Variants in ARHGEF26 observed in about 807,000 individuals in gnomAD.
The protein encoded by ARHGEF26 is Rho guanine nucleotide exchange factor (GEF) 26.
Under a neutral mutation model 89.4 loss-of-function variants are expected in ARHGEF26, and 59 were observed. That is an observed-to-expected ratio of 0.66 (90% CI 0.54 to 0.82). ARHGEF26 has a LOEUF of 0.82. ARHGEF26 is among the 40% of genes least tolerant of loss of function. ARHGEF26 has a pLI of 0.00. For missense variants in ARHGEF26, 1,234 were observed against 1,085.6 expected (o/e 1.14, Z -1.92); for synonymous variants, 500 against 428.4 (o/e 1.17, Z -2.06).
At chr3:154,175,757 A>ACGTTT (rs1553742626) in intron 6 of ARHGEF26, among the ~76,000 whole-genome samples, 1 of 152,040 alleles carries the variant, frequency 6.6e-6, no homozygotes, top group African/African-American at 2.4e-5. Flanking sequence ...TTGGCACTGT[A>ACGTTT]TGTTTTGTTT....
intron 9 of ARHGEF26, among the ~76,000 whole-genome samples, chr3:154,215,869 A>C (rs558896365): frequency 6.6e-6 from 1 of 152,196 alleles, no homozygotes; most frequent in Admixed American, 6.5e-5. Context: ...TAGGATTTCA[A>C]CATGAATATG....
At chr3:154,174,196 C>G (rs150839429) in intron 6 of ARHGEF26, among the ~76,000 whole-genome samples, 1 of 152,290 alleles carries the variant, frequency 6.6e-6, no homozygotes, top group African/African-American at 2.4e-5. Context: ...GCTGTGAGTA[C>G]AGCGCCAGTC....
intron 11 of ARHGEF26, among the ~76,000 whole-genome samples, chr3:154,238,505 A>G (rs1302336609): frequency 6.6e-6 from 1 of 152,218 alleles, no homozygotes; most frequent in East Asian, 1.9e-4. Flanking sequence ...TGACAGGTAG[A>G]TGTCCATTCT....
chr3:154,151,866 C>A (rs1468698162), intron 5 of ARHGEF26, among the ~76,000 whole-genome samples: 3 of 152,160 alleles, frequency 2.0e-5, no homozygotes, highest in Non-Finnish European at 1.5e-5. Flanking sequence ...CCCTGGAGAT[C>A]AGGGTGATGA....
At chr3:154,246,097 G>A (rs1717785547) in intron 12 of ARHGEF26, among the ~76,000 whole-genome samples, 1 of 152,174 alleles carries the variant, frequency 6.6e-6, no homozygotes, top group Non-Finnish European at 1.5e-5. Flanking sequence ...CTGGTGATGT[G>A]ATCCGGAGTG....
intron 2 of ARHGEF26, among the ~76,000 whole-genome samples, 174 bp from the exon 3 acceptor site, chr3:154,124,236 C>A (rs1272207528): frequency 6.6e-6 from 1 of 152,068 alleles, no homozygotes; most frequent in Non-Finnish European, 1.5e-5. Context: ...TTGTAGTGAT[C>A]AAATGAGTGA....
intron 4 of ARHGEF26, among the ~76,000 whole-genome samples, chr3:154,133,360 T>C (rs1283616762): frequency 6.6e-6 from 1 of 152,096 alleles, no homozygotes; most frequent in Non-Finnish European, 1.5e-5. Context: ...AAGAGGCATT[T>C]ATTTAGTTGG....
intron 4 of ARHGEF26, among the ~76,000 whole-genome samples, chr3:154,142,380 T>C (rs1182427538): frequency 6.6e-6 from 1 of 152,112 alleles, no homozygotes. Context: ...TAAAGCTTGA[T>C]AGGTAGGCAA....
Position 154,240,361 on chromosome 3 carries a change from C to A in ARHGEF26, c.2091-9C>A. ...ATAATTGACGTGTTCTTTTCCCTTT[C>A]CTTTACAGTGAAGAAAGTTACAACG... is the stretch of plus-strand genomic sequence containing the variant. On this transcript the variant is annotated splice_polypyrimidine_tract_variant and intron_variant, in intron 11 of 14. Coordinates refer to ENST00000465093, the MANE Select transcript of ARHGEF26 (RefSeq NM_015595.4). 6.3e-7 allele frequency: 1 copy of A among 1,589,752 alleles called. No homozygotes were observed. Among genetic ancestry groups the A allele is most frequent in the East Asian group, 2.2e-5 (1 of 44,520 alleles).
intron 3 of ARHGEF26, among the ~76,000 whole-genome samples, chr3:154,127,313 A>G (rs1345620669): frequency 1.3e-5 from 2 of 152,232 alleles, no homozygotes; most frequent in Non-Finnish European, 2.9e-5. Context: ...ACATTGTACA[A>G]CTGTACAGAA....
At chr3:154,133,762 A>G (rs1312516680) in intron 4 of ARHGEF26, among the ~76,000 whole-genome samples, 1 of 152,158 alleles carries the variant, frequency 6.6e-6, no homozygotes, top group Non-Finnish European at 1.5e-5. Context: ...TAGTAGGAAT[A>G]GGATTGAATC....
intron 11 of ARHGEF26, among the ~76,000 whole-genome samples, chr3:154,237,905 A>G (rs1192950020): frequency 6.6e-6 from 1 of 152,184 alleles, no homozygotes; most frequent in Non-Finnish European, 1.5e-5. Flanking sequence ...ATTGGACCAA[A>G]AGAGTAATCA....
In ARHGEF26 at chr3:154,122,585, C is replaced by T. The variant is rs1008769557; in HGVS notation, c.593C>T (p.Pro198Leu). The T allele has an allele frequency of 1.9e-6, 3 of 1,613,488 alleles. No individual in the cohort carries two copies. The highest frequency in any genetic ancestry group is 2.7e-5 in the African/African-American group (2 of 74,910). The change falls in exon 2 of 15, where the codon CCC (proline) becomes CTC (leucine). Residue 198 changes from proline (P) to leucine (L), a missense_variant. Pro to Leu is a moderately conservative substitution (Grantham distance 98). Transcript: ENST00000465093. Reference protein sequence around the residue: ...GSQSGRKAKDPERGLFPGPQK... With the variant: ...GSQSGRKAKDLERGLFPGPQK... ...CAGTCCGGCCGGAAGGCAAAGGACC[C>T]CGAACGGGGGCTCTTTCCTGGGCCC...
In ARHGEF26 at chr3:154,135,510, A is replaced by G. The variant is rs558234226; in HGVS notation, c.1269+5791A>G. Reference sequence around the variant, plus strand: ...AAGGGATTTGAGGTTTTGAAACCTCAATGACTTTGAAAAGTAAGTTTTGAC... The same window carrying G: ...AAGGGATTTGAGGTTTTGAAACCTCGATGACTTTGAAAAGTAAGTTTTGAC... On this transcript the variant is annotated intron_variant, in intron 4 of 14. Transcript: ENST00000465093. 2.8e-4 allele frequency among the ~76,000 whole-genome samples: 42 copies of G among 152,294 alleles called. 2 individuals carry two copies. The South Asian group carries it at 8.5e-3, about 31-fold the overall frequency.
At chr3:154,153,630 CAT>C (rs1166260350) in intron 6 of ARHGEF26, among the ~76,000 whole-genome samples, 1 of 151,978 alleles carries the variant, frequency 6.6e-6, no homozygotes, top group Non-Finnish European at 1.5e-5. Context: ...AGTAGAGTCA[CAT>C]GTTGCAAAAT....
intron 9 of ARHGEF26, among the ~76,000 whole-genome samples, chr3:154,206,265 C>T (rs1399739618): frequency 1.3e-5 from 2 of 152,166 alleles, no homozygotes; most frequent in East Asian, 1.9e-4. Flanking sequence ...AGATATATTG[C>T]AGCTCCACTG....
chr3:154,132,889 A>G (rs770180917), intron 4 of ARHGEF26, among the ~76,000 whole-genome samples: 69 of 152,156 alleles, frequency 4.5e-4, no homozygotes, highest in Non-Finnish European at 8.2e-4. Context: ...AATTTTGAGT[A>G]TAACATTTTA....
intron 4 of ARHGEF26, among the ~76,000 whole-genome samples, chr3:154,146,374 A>T (rs1048196465): frequency 1.3e-5 from 2 of 152,134 alleles, no homozygotes; most frequent in Non-Finnish European, 2.9e-5. Flanking sequence ...AAACCTTCAG[A>T]CCATAGCACA....
chr3:154,126,155 G>A (rs985213748), intron 3 of ARHGEF26, among the ~76,000 whole-genome samples: 4 of 152,124 alleles, frequency 2.6e-5, no homozygotes, highest in African/African-American at 9.7e-5. Flanking sequence ...GCTTTACATA[G>A]CATGACAATC....
Sources: gnomAD v4.1 joint callset for allele counts (sites outside exome capture counted in the v4.1 genomes callset) on GRCh38, gnomAD v4.1.1 for gene constraint, MANE v1.5 for transcripts, NCBI Gene and HGNC (gene_info 2026-07-23, HGNC 2026-07-21) for gene names.